SRGAP3: variants seen among roughly 807,000 people sequenced by gnomAD.
The protein encoded by SRGAP3 is SLIT-ROBO Rho GTPase activating protein 3.
Under a neutral mutation model 121.1 loss-of-function variants are expected in SRGAP3, and 39 were observed. The observed-to-expected ratio is 0.32, with a 90% confidence interval of 0.25 to 0.42. The LOEUF is 0.42. Among genes scored for constraint, SRGAP3 ranks in the 10% least tolerant of loss-of-function variants. The pLI, the probability that SRGAP3 is intolerant of heterozygous loss-of-function variation, is 1.00. For missense variants in SRGAP3, 1,213 were observed against 1,470.6 expected (o/e 0.82, Z 2.86); for synonymous variants, 601 against 570.0 (o/e 1.05, Z -0.77).
intron 4 of SRGAP3, among the ~76,000 whole-genome samples, chr3:9,075,390 T>TGCGCGC (rs767835263): frequency 2.7e-5 from 4 of 148,614 alleles, no homozygotes; most frequent in Admixed American, 1.3e-4. Context: ...TGTGTGTGTG[T>TGCGCGC]GCGCGCGCAC....
Position 8,990,606 on chromosome 3 carries a change from A to C in SRGAP3, c.2792T>G (p.Leu931Arg). 6.2e-7 allele frequency: 1 copy of C among 1,610,810 alleles called. No homozygotes were observed. The highest frequency in any genetic ancestry group is 8.5e-7 in the Non-Finnish European group (1 of 1,178,832). Residue 931 changes from leucine to arginine, a missense_variant, in exon 21 of 22, where the codon CTC becomes CGC. By Grantham distance (102) the Leu-to-Arg change is moderately radical. Around this residue, in one of 2 missense-constraint regions of SRGAP3, gnomAD observed 420 missense variants for 437.7 expected, o/e 0.96. Transcript: ENST00000383836. ...GSINYPDKKA[L>R]SEGHSMRSTC... ...CGACCTCATCGAGTGCCCTTCGGAG[A>C]GCGCCTTCTTGTCAGGGTAGTTGAT...
intron 4 of SRGAP3, among the ~76,000 whole-genome samples, chr3:9,064,957 C>T (rs1575010708): frequency 6.6e-6 from 1 of 152,126 alleles, no homozygotes; most frequent in Admixed American, 6.5e-5. Flanking sequence ...ACAAGGCAAG[C>T]CTGGCCCTTG....
At chr3:9,273,567 C>G (rs1410651955) in intron 3 of SRGAP3, among the ~76,000 whole-genome samples, 2 of 152,046 alleles carry the variant, frequency 1.3e-5, no homozygotes, top group Non-Finnish European at 2.9e-5. Flanking sequence ...CTGATTATGT[C>G]CTTTGATGCA....
At chr3:9,304,880 A>T (rs1049868510) in intron 3 of SRGAP3, among the ~76,000 whole-genome samples, 6 of 152,184 alleles carry the variant, frequency 3.9e-5, no homozygotes, top group Admixed American at 3.9e-4. Flanking sequence ...GACAGATACC[A>T]TTCTCCACCT....
intron 14 of SRGAP3, among the ~76,000 whole-genome samples, chr3:9,023,828 G>A (rs771763248): frequency 1.6e-4 from 24 of 152,302 alleles, no homozygotes; most frequent in Non-Finnish European, 2.4e-4. Context: ...CTCCAGAAAC[G>A]AAGCTCCCCT....
At chr3:9,201,613 G>A (rs1952070244) in intron 1 of SRGAP3, among the ~76,000 whole-genome samples, 2 of 152,196 alleles carry the variant, frequency 1.3e-5, no homozygotes, top group African/African-American at 4.8e-5. Context: ...CCTAACTAGG[G>A]AGTCAGCAGG....
chr3:9,064,193 AC>A (rs1254365372), intron 5 of SRGAP3, among the ~76,000 whole-genome samples: 1 of 152,194 alleles, frequency 6.6e-6, no homozygotes, highest in African/African-American at 2.4e-5. Context: ...CAGTGTTAGC[AC>A]GGGCATGCCT....
At chr3:9,003,625 C>T (rs1244507889) in intron 18 of SRGAP3, among the ~76,000 whole-genome samples, 1 of 152,192 alleles carries the variant, frequency 6.6e-6, no homozygotes, top group African/African-American at 2.4e-5. Context: ...TGTAATGCAT[C>T]TTATCAGTAA....
At chr3:9,265,864 A>C (rs560108766) in intron 3 of SRGAP3, among the ~76,000 whole-genome samples, 2 of 152,228 alleles carry the variant, frequency 1.3e-5, no homozygotes, top group African/African-American at 2.4e-5. Flanking sequence ...CAGCAATCTC[A>C]TTACTGGGTA....
intron 3 of SRGAP3, among the ~76,000 whole-genome samples, chr3:9,273,019 A>T (rs1954508224): frequency 6.6e-6 from 1 of 152,148 alleles, no homozygotes; most frequent in Non-Finnish European, 1.5e-5. Flanking sequence ...CCTTTTTGGC[A>T]CCAGGGACGG....
At chr3:9,141,344 A>G (rs1382639822) in intron 1 of SRGAP3, among the ~76,000 whole-genome samples, 1 of 152,224 alleles carries the variant, frequency 6.6e-6, no homozygotes, top group African/African-American at 2.4e-5. Flanking sequence ...GCCACATGGA[A>G]GAATATCTAA....
intron 1 of SRGAP3, among the ~76,000 whole-genome samples, chr3:9,212,349 T>C (rs1280994823): frequency 6.6e-6 from 1 of 152,156 alleles, no homozygotes; most frequent in East Asian, 1.9e-4. Context: ...CAGGTGGTAA[T>C]AGCTAATGTC....
intron 1 of SRGAP3, among the ~76,000 whole-genome samples, chr3:9,360,393 CA>C (rs545463535): frequency 8.2e-4 from 125 of 152,284 alleles, no homozygotes; most frequent in African/African-American, 2.8e-3. Flanking sequence ...ATTGTAAAGT[CA>C]AAAAATTGTA....
chr3:9,201,248 G>A (rs886829764), intron 1 of SRGAP3, among the ~76,000 whole-genome samples: 6 of 152,134 alleles, frequency 3.9e-5, no homozygotes, highest in Non-Finnish European at 8.8e-5. Flanking sequence ...AATCAGGCTG[G>A]CACCCCCAGC....
intron 3 of SRGAP3, among the ~76,000 whole-genome samples, chr3:9,290,229 A>G (rs990235421): frequency 4.6e-5 from 7 of 152,204 alleles, no homozygotes; most frequent in African/African-American, 1.4e-4. Flanking sequence ...ATAACTTGCT[A>G]GCTCACTAAC....
At chr3:9,211,235 A>T (rs921581567) in intron 1 of SRGAP3, among the ~76,000 whole-genome samples, 1 of 152,268 alleles carries the variant, frequency 6.6e-6, no homozygotes, top group Admixed American at 6.5e-5. Context: ...TTGAAAATTG[A>T]CTCTGTTTTG....
chr3:9,051,017 CTTTTTTT>C (rs71049766), intron 9 of SRGAP3, among the ~76,000 whole-genome samples: 12 of 81,826 alleles, frequency 1.5e-4, no homozygotes, highest in South Asian at 1.4e-3. Flanking sequence ...AGCCTCATTG[CTTTTTTT>C]TTTTTTTTTT....
chr3:9,005,110 C>T (rs1378769629), intron 18 of SRGAP3, among the ~76,000 whole-genome samples: 1 of 151,978 alleles, frequency 6.6e-6, no homozygotes, highest in Non-Finnish European at 1.5e-5. Flanking sequence ...CACAAATAAC[C>T]AAATTTAAAA....
chr3:9,269,531 A>T (rs4686337), intron 3 of SRGAP3, among the ~76,000 whole-genome samples: 62,045 of 152,092 alleles, frequency 0.41, 13,757 homozygotes, highest in Admixed American at 0.51. Context: ...ATTTGCCTGG[A>T]CAAAGTTCTT....
Sources: gnomAD v4.1 joint callset for allele counts (sites outside exome capture counted in the v4.1 genomes callset) on GRCh38, gnomAD v4.1.1 for gene constraint, gnomAD v4.1.1 regional missense constraint, MANE v1.5 for transcripts, NCBI Gene and HGNC (gene_info 2026-07-23, HGNC 2026-07-21) for gene names.